NLRP14: variants seen among roughly 807,000 people sequenced by gnomAD.
The protein encoded by NLRP14 is NLR family pyrin domain containing 14, also known as NACHT, LRR and PYD domains-containing protein 14.
A neutral mutation model predicts 94.7 loss-of-function variants in NLRP14; 105 were observed. The ratio of observed to expected loss-of-function variants is 1.11; its 90% confidence interval spans 0.95 to 1.30. The LOEUF is 1.30. NLRP14 is among the 50% of genes most tolerant of loss of function. The pLI is 0.00. For missense variants in NLRP14, 1,362 were observed against 1,254.1 expected, an observed-to-expected ratio of 1.09 and a Z score of -1.30; for synonymous variants, 508 against 459.9, an observed-to-expected ratio of 1.10 and a Z score of -1.34.
Position 7,058,265 on chromosome 11 carries a change from C to T in NLRP14, c.2463-15C>T, listed in dbSNP as rs779119373. ...TGGGAATTGACAGATCTCTTCTCAT[C>T]TCTTTCTCTTTCAGCTTAGAAAGCT... is the stretch of plus-strand genomic sequence containing the variant. On this transcript the variant is annotated splice_polypyrimidine_tract_variant and intron_variant, in intron 7 of 11. Coordinates refer to ENST00000299481, the MANE Select transcript of NLRP14 (RefSeq NM_176822.4). The T allele has an allele frequency of 1.7e-5, 28 of 1,609,630 alleles. No individual in the cohort carries two copies. Among genetic ancestry groups the T allele is most frequent in the Non-Finnish European group, 2.1e-5 (25 of 1,176,614 alleles).
intron 10 of NLRP14, among the ~76,000 whole-genome samples, chr11:7,063,550 T>A (rs529951378): frequency 6.6e-6 from 1 of 152,172 alleles, no homozygotes; most frequent in African/African-American, 2.4e-5. Context: ...GCATTTTTGT[T>A]AGCAAACATG....
intron 10 of NLRP14, among the ~76,000 whole-genome samples, chr11:7,064,490 C>G (rs1852675357): frequency 6.6e-6 from 1 of 151,572 alleles, no homozygotes; most frequent in African/African-American, 2.4e-5. Flanking sequence ...TCCACACCTC[C>G]AGGTTCTAAA....
At chr11:7,036,996 A>G (rs1051356938) in intron 1 of NLRP14, among the ~76,000 whole-genome samples, 10 of 152,194 alleles carry the variant, frequency 6.6e-5, no homozygotes, top group Non-Finnish European at 1.2e-4. Context: ...AAGCTATAGA[A>G]AAGGGAAGAG....
the NLRP14 span, among the ~76,000 whole-genome samples, chr11:7,081,993 G>T: frequency 1.3e-5 from 2 of 152,098 alleles, no homozygotes; most frequent in Non-Finnish European, 2.9e-5. Context: ...CCCCCACCAT[G>T]AATCACATCA....
chr11:7,035,778 A>G (rs1852153203), intron 1 of NLRP14, among the ~76,000 whole-genome samples: 1 of 152,112 alleles, frequency 6.6e-6, no homozygotes, highest in Non-Finnish European at 1.5e-5. Flanking sequence ...TAGTCATGCT[A>G]TATTTAGAGG....
chr11:7,034,087 C>T (rs1461455362), intron 1 of NLRP14, among the ~76,000 whole-genome samples: 5 of 152,210 alleles, frequency 3.3e-5, no homozygotes, highest in South Asian at 4.1e-4. Context: ...GCACAGTCAG[C>T]GCTCTGGGAG....
chr11:7,028,242 T>TA (rs1852042057), intron 1 of NLRP14, among the ~76,000 whole-genome samples: 1 of 152,194 alleles, frequency 6.6e-6, no homozygotes, highest in South Asian at 2.1e-4. Context: ...CTTGGTTTTT[T>TA]AAACAATCTT....
intron 8 of NLRP14, 97 bp from the exon 9 acceptor site, chr11:7,059,797 A>T: frequency 9.2e-7 from 1 of 1,083,450 alleles, no homozygotes; most frequent in Admixed American, 2.0e-5. Flanking sequence ...ATGTTGGCAA[A>T]TAGATAAGGG....
chr11:7,073,786 C>G (rs567541272), downstream of NLRP14, among the ~76,000 whole-genome samples: 9 of 152,204 alleles, frequency 5.9e-5, no homozygotes, highest in Non-Finnish European at 1.2e-4. Flanking sequence ...TCGGAAGGTT[C>G]TATCCCTGTG....
chr11:7,058,500 T>C, intron 8 of NLRP14, 50 bp downstream of exon 8: 1 of 1,369,564 alleles, frequency 7.3e-7, no homozygotes, highest in Non-Finnish European at 1.0e-6. Flanking sequence ...CATTTTGAAA[T>C]ATGTTTAAAA....
chr11:7,070,353 A>C lies in NLRP14; in HGVS notation c.3043A>C (p.Arg1015=). 3 of 1,610,652 alleles carry C rather than the reference A, an allele frequency of 1.9e-6. No individual in the cohort carries two copies. In the South Asian group the frequency reaches 3.3e-5, roughly 18 times the overall value. ...CTCCTCTGCTCTTATCTGCAACAAA[A>C]GACTGATAAAAATGAATCTGACACA... ...DLSSALICNK[R]LIKMNLTQNT... The change falls in exon 11 of 12, where the codon AGA becomes CGA. Residue 1015 remains arginine, a synonymous_variant. Transcript: ENST00000299481.
the NLRP14 span, among the ~76,000 whole-genome samples, chr11:7,078,978 G>A: frequency 6.6e-6 from 1 of 152,118 alleles, no homozygotes; most frequent in Non-Finnish European, 1.5e-5. Context: ...CAGGCACTTC[G>A]TTCTGCTGCA....
chr11:7,026,756 C>T (rs1852020591), intron 1 of NLRP14, among the ~76,000 whole-genome samples: 1 of 139,034 alleles, frequency 7.2e-6, no homozygotes, highest in African/African-American at 2.7e-5. Flanking sequence ...GGAACCAACC[C>T]AAATGTCCAA....
At position 7,036,331 on chromosome 11, in the gene NLRP14, G is replaced by C. The variant is rs370758900; in HGVS notation, c.-21-2235G>C. On this transcript the variant is annotated intron_variant, in intron 1 of 11. Coordinates refer to ENST00000299481, the MANE Select transcript of NLRP14 (RefSeq NM_176822.4). ...AAAACAACAAATTCCTTCGAGGACA[G>C]CGTAAAACCTTTGGGAAGGAGACTA... is the stretch of plus-strand genomic sequence containing the variant. Among the ~76,000 whole-genome samples the C allele has an allele frequency of 3.7e-4, 56 of 152,270 alleles. 1 individual carries two copies. The highest frequency in any genetic ancestry group is 1.3e-3 in the African/African-American group (56 of 41,548).
At chr11:7,078,463 C>CA in the NLRP14 span, among the ~76,000 whole-genome samples, 2 of 39,238 alleles carry the variant, frequency 5.1e-5, no homozygotes, top group East Asian at 7.7e-4. Context: ...AAAAAAAAAA[C>CA]AAAAAAATTG....
chr11:7,081,536 T>C, the NLRP14 span, among the ~76,000 whole-genome samples: 1 of 152,082 alleles, frequency 6.6e-6, no homozygotes, highest in South Asian at 2.1e-4. Flanking sequence ...AAACAAAACA[T>C]CTTATCCTTG....
chr11:7,044,247 A>G (rs980057222), intron 4 of NLRP14, among the ~76,000 whole-genome samples: 2 of 152,196 alleles, frequency 1.3e-5, no homozygotes, highest in Non-Finnish European at 2.9e-5. Flanking sequence ...AGGACTCTCA[A>G]TTGTTGACAA....
intron 1 of NLRP14, among the ~76,000 whole-genome samples, chr11:7,022,126 G>T (rs1851953558): frequency 6.6e-6 from 1 of 152,146 alleles, no homozygotes; most frequent in African/African-American, 2.4e-5. Context: ...TTTAGCAGGG[G>T]TGCCCGGCCT....
intron 10 of NLRP14, among the ~76,000 whole-genome samples, chr11:7,065,136 C>T (rs1852686188): frequency 6.6e-6 from 1 of 152,034 alleles, no homozygotes. Flanking sequence ...TGCCCCCCAA[C>T]CTACCTATAT....
Sources: gnomAD v4.1 joint callset for allele counts (sites outside exome capture counted in the v4.1 genomes callset) on GRCh38, gnomAD v4.1.1 for gene constraint, MANE v1.5 for transcripts, NCBI Gene and HGNC (gene_info 2026-07-23, HGNC 2026-07-21) for gene names.